RNF220: variants seen among roughly 807,000 people sequenced by gnomAD.
The protein encoded by RNF220 is ring finger protein 220.
RNF220 carries 7 observed loss-of-function variants against 67.1 expected under a neutral mutation model. That is an observed-to-expected ratio of 0.10 (90% confidence interval 0.06 to 0.20). The LOEUF (loss-of-function observed/expected upper bound fraction) is 0.20, where lower values mean the gene tolerates loss of function less well. Among genes scored for constraint, RNF220 ranks in the 10% least tolerant of loss-of-function variants. The pLI, the probability that RNF220 is intolerant of heterozygous loss-of-function variation, is 1.00. For missense variants in RNF220, 565 were observed against 740.3 expected, an observed-to-expected ratio of 0.76 and a Z score of 2.75; for synonymous variants, 270 against 283.2, an observed-to-expected ratio of 0.95 and a Z score of 0.47.
intron 2 of RNF220, among the ~76,000 whole-genome samples, chr1:44,460,964 A>G (rs778921927): frequency 1.3e-5 from 2 of 152,120 alleles, no homozygotes; most frequent in African/African-American, 2.4e-5. Flanking sequence ...GCACATCTCA[A>G]TAATTAGTTT....
chr1:44,624,075 AGAG>A lies in RNF220; in HGVS notation c.804+1295_804+1297del, dbSNP rs1405264264. 6.6e-6 allele frequency among the ~76,000 whole-genome samples: 1 copy of A among 152,208 alleles called. No homozygotes were observed. Among genetic ancestry groups the A allele is most frequent in the Non-Finnish European group, 1.5e-5 (1 of 68,026 alleles). ...AACTGCTCACCTGCAGCAAGCTGGG[AGAG>A]GAGGAGCAGAGCACCTAGCCCTGCC... is the stretch of plus-strand genomic sequence containing the variant. On this transcript the variant is annotated intron_variant, in intron 4 of 14. Coordinates refer to ENST00000361799, the MANE Select transcript of RNF220 (RefSeq NM_018150.4). The surrounding 1 kb of genome is among the most constrained non-coding windows in gnomAD (Gnocchi z 4.2).
At chr1:44,639,859 G>C (rs1644437647) in intron 8 of RNF220, among the ~76,000 whole-genome samples, 1 of 151,992 alleles carries the variant, frequency 6.6e-6, no homozygotes, top group South Asian at 2.1e-4. Context: ...GCACGATTTC[G>C]GCTCACTGCA....
intron 2 of RNF220, among the ~76,000 whole-genome samples, chr1:44,487,159 A>T (rs1016289565): frequency 6.6e-6 from 1 of 151,616 alleles, no homozygotes; most frequent in East Asian, 2.0e-4. Context: ...ACATGGTGAA[A>T]CCCTGCCTCT....
chr1:44,510,758 A>G (rs1274997475), intron 2 of RNF220, among the ~76,000 whole-genome samples: 1 of 152,186 alleles, frequency 6.6e-6, no homozygotes, highest in African/African-American at 2.4e-5. Flanking sequence ...CTGTGAGCAC[A>G]GGTGTCCTGC....
At chr1:44,569,858 G>T (rs1231028640) in intron 2 of RNF220, among the ~76,000 whole-genome samples, 6 of 152,176 alleles carry the variant, frequency 3.9e-5, no homozygotes, top group Non-Finnish European at 2.9e-5. Flanking sequence ...CCCTCTACCC[G>T]CATCGTCCTG....
intron 2 of RNF220, among the ~76,000 whole-genome samples, chr1:44,478,009 C>T (rs1416227705): frequency 1.3e-5 from 2 of 152,208 alleles, no homozygotes; most frequent in Non-Finnish European, 2.9e-5. Flanking sequence ...GACAGGGTCT[C>T]GCTCTGTCAC....
chr1:44,563,161 G>T (rs1216029539), intron 2 of RNF220, among the ~76,000 whole-genome samples: 2 of 152,224 alleles, frequency 1.3e-5, no homozygotes, highest in Non-Finnish European at 2.9e-5. Context: ...CCTGGGCCTT[G>T]TTGAATGAGG....
chr1:44,506,374 C>T (rs1658425513), intron 2 of RNF220, among the ~76,000 whole-genome samples: 1 of 152,236 alleles, frequency 6.6e-6, no homozygotes, highest in Non-Finnish European at 1.5e-5. Flanking sequence ...CTCTTCGGTC[C>T]ATCACACCAA....
chr1:44,595,876 A>C (rs1334223817), intron 2 of RNF220, among the ~76,000 whole-genome samples: 1 of 151,670 alleles, frequency 6.6e-6, no homozygotes, highest in African/African-American at 2.4e-5. Flanking sequence ...CCATCCTCCC[A>C]CCTCAGCCTC....
intron 2 of RNF220, among the ~76,000 whole-genome samples, chr1:44,508,564 C>A (rs1407403169): frequency 1.3e-5 from 2 of 152,192 alleles, no homozygotes; most frequent in Non-Finnish European, 1.5e-5. Context: ...GCTCTAAAGG[C>A]CTTTCTGTTC....
chr1:44,574,159 G>A (rs1423281181), intron 2 of RNF220, among the ~76,000 whole-genome samples: 2 of 152,128 alleles, frequency 1.3e-5, no homozygotes, highest in Non-Finnish European at 2.9e-5. Context: ...ATGAATGAAC[G>A]AATGAATGAA....
At chr1:44,409,736 CAGTT>C (rs1004024845) in intron 1 of RNF220, among the ~76,000 whole-genome samples, 1 of 152,118 alleles carries the variant, frequency 6.6e-6, no homozygotes, top group African/African-American at 2.4e-5. Context: ...TTAAGAGGGT[CAGTT>C]AGTTTTCTTA....
intron 2 of RNF220, among the ~76,000 whole-genome samples, chr1:44,558,669 A>T (rs187065873): frequency 1.3e-5 from 2 of 152,332 alleles, no homozygotes; most frequent in Non-Finnish European, 2.9e-5. Context: ...AACCTCCCCC[A>T]AGATCACGCA....
chr1:44,447,491 G>A (rs1456221481), intron 2 of RNF220, among the ~76,000 whole-genome samples: 1 of 152,106 alleles, frequency 6.6e-6, no homozygotes, highest in African/African-American at 2.4e-5. Flanking sequence ...CTTCTAAATG[G>A]TCTTTTGCTT....
At position 44,493,779 on chromosome 1, in the gene RNF220, A is replaced by G. The variant is rs1431258207; in HGVS notation, c.625+81057A>G. ...CATTTGAGCCCAGGAGTTTGAGACCAGCCTGGGCAACATAGGGAGATTCCC... is the reference window on the plus strand; with the variant it reads ...CATTTGAGCCCAGGAGTTTGAGACCGGCCTGGGCAACATAGGGAGATTCCC... On this transcript the variant is annotated intron_variant, in intron 2 of 14. Coordinates refer to ENST00000361799, the MANE Select transcript of RNF220 (RefSeq NM_018150.4). 3.3e-5 allele frequency among the ~76,000 whole-genome samples: 5 copies of G among 152,292 alleles called. No individual in the cohort carries two copies. The East Asian group carries it at 9.6e-4, about 29-fold the overall frequency.
intron 2 of RNF220, among the ~76,000 whole-genome samples, chr1:44,501,316 T>C (rs1657852236): frequency 6.6e-6 from 1 of 151,372 alleles, no homozygotes; most frequent in South Asian, 2.1e-4. Context: ...TTCAATCAGG[T>C]TGGCTTTGAA....
intron 2 of RNF220, among the ~76,000 whole-genome samples, chr1:44,550,237 G>A (rs1429535707): frequency 2.0e-5 from 3 of 152,212 alleles, no homozygotes; most frequent in Middle Eastern, 3.2e-3. Flanking sequence ...TTGGAGAAGT[G>A]GGCCAAGAAG....
intron 2 of RNF220, among the ~76,000 whole-genome samples, chr1:44,507,873 C>G (rs374363150): frequency 3.9e-5 from 6 of 152,076 alleles, no homozygotes; most frequent in Admixed American, 1.3e-4. Context: ...GTGCCCCCCC[C>G]TCACCACACT....
rs1648632454 is a variant in RNF220 at position 44,417,262 on chromosome 1, T to TC, written c.625+4544dup. On this transcript the variant is annotated intron_variant, in intron 2 of 14. Coordinates refer to ENST00000361799, the MANE Select transcript of RNF220 (RefSeq NM_018150.4). The surrounding 1 kb of genome is among the most constrained non-coding windows in gnomAD (Gnocchi z 4.0). The stretch of plus-strand genomic sequence containing the variant: ...CAGCTGCTCCCGGGTTCTCCCCTAC[T>TC]CCCCGGGGGCAAGAACTCCTGTGAT... Among the ~76,000 whole-genome samples the TC allele has an allele frequency of 6.6e-6, 1 of 152,164 alleles. No homozygotes were observed. Among genetic ancestry groups the TC allele is most frequent in the African/African-American group, 2.4e-5 (1 of 41,432 alleles).
Sources: gnomAD v4.1 joint callset for allele counts (sites outside exome capture counted in the v4.1 genomes callset) on GRCh38, gnomAD v4.1.1 for gene constraint, Gnocchi (gnomAD v3.1) non-coding constraint, MANE v1.5 for transcripts, NCBI Gene and HGNC (gene_info 2026-07-23, HGNC 2026-07-21) for gene names.